Variants in ABCC2 observed in about 807,000 individuals in gnomAD.
ABCC2 encodes the protein ATP binding cassette subfamily C member 2, also known as ATP-binding cassette sub-family C member 2.
In ABCC2, 157 loss-of-function variants were observed where a neutral mutation model predicts 173.4. That is an observed-to-expected ratio of 0.91 (90% CI 0.80 to 1.03). The LOEUF (loss-of-function observed/expected upper bound fraction) is 1.03, where lower values mean the gene tolerates loss of function less well. ABCC2 is among the 50% of genes least tolerant of loss of function. The pLI is 0.00. For synonymous variants in ABCC2, 657 were observed against 693.5 expected, an observed-to-expected ratio of 0.95 and a Z score of 0.83; for missense variants, 1,822 against 1,852.3, an observed-to-expected ratio of 0.98 and a Z score of 0.30.
At chr10:99,797,610 G>C in intron 7 of ABCC2, 1 of 404,710 alleles carries the variant, frequency 2.5e-6, no homozygotes. Context: ...TTGCACCTTG[G>C]TACAAATTAG....
In ABCC2 at chr10:99,799,375, G is replaced by A. The variant is rs1204114741; in HGVS notation, c.1031+5G>A. The A allele has an allele frequency of 6.2e-7, 1 of 1,614,070 alleles. No homozygotes were observed. Among genetic ancestry groups the A allele is most frequent in the Admixed American group, 1.7e-5 (1 of 60,014 alleles). ...TGTGAGTCCTCAGCTGCTGAAGTGA[G>A]TCTCCAGGCCTCAGATGGTCCTTTC... On this transcript the variant is annotated splice_donor_5th_base_variant and intron_variant, in intron 8 of 31. Coordinates refer to ENST00000647814, the MANE Select transcript of ABCC2 (RefSeq NM_000392.5).
In ABCC2 at chr10:99,808,201, T is replaced by C. The variant is rs370432154; in HGVS notation, c.1787T>C (p.Leu596Pro). 1.2e-6 allele frequency: 2 copies of C among 1,614,032 alleles called. No individual in the cohort carries two copies. The highest frequency in any genetic ancestry group is 2.7e-5 in the African/African-American group (2 of 74,920). Residue 596 changes from leucine to proline, a missense_variant, in exon 13 of 32, where the codon CTT (leucine) becomes CCT (proline). Leu to Pro is a moderately conservative substitution (Grantham distance 98, BLOSUM62 -3). Transcript: ENST00000647814. The part of the protein sequence containing the change: ...FNILRFPLSM[L>P]PMMISSMLQA... ...ATCCTGCGCTTTCCCCTGAGCATGC[T>C]TCCCATGATGATCTCCTCCATGCTC...
At chr10:99,793,787 A>C (rs1046091949) in intron 4 of ABCC2, 102 bp downstream of exon 4, 1 of 1,581,048 alleles carries the variant, frequency 6.3e-7, no homozygotes, top group Non-Finnish European at 8.7e-7. Context: ...ATTGTATTAG[A>C]GGGATTTGAT....
chr10:99,830,462 C>A lies in ABCC2; in HGVS notation c.2747+29C>A, dbSNP rs17222730. The A allele has an allele frequency of 1.4e-4, 225 of 1,614,058 alleles. 1 individual carries two copies. The East Asian group carries it at 4.5e-3, about 32-fold the overall frequency. ...GGCTATCTATTCAGCTGGCAGCCCTCGTCAGCTCTATATTTCCACTTGATC... is the reference window on the plus strand; with the variant it reads ...GGCTATCTATTCAGCTGGCAGCCCTAGTCAGCTCTATATTTCCACTTGATC... On this transcript the variant is annotated intron_variant, in intron 20 of 31. Transcript: ENST00000647814.
At chr10:99,810,919 G>A (rs1034925340) in intron 14 of ABCC2, among the ~76,000 whole-genome samples, 1 of 151,820 alleles carries the variant, frequency 6.6e-6, no homozygotes, top group African/African-American at 2.4e-5. Flanking sequence ...AGCTACTCAG[G>A]AGGCTGAGGC....
In ABCC2 at chr10:99,850,754, T is replaced by C. The variant is rs779269741; in HGVS notation, c.4466T>C (p.Ile1489Thr). 4 of 1,614,048 alleles carry C rather than the reference T, an allele frequency of 2.5e-6. No individual in the cohort carries two copies. In the African/African-American group the frequency reaches 4.0e-5, roughly 16 times the overall value. The change falls in exon 31 of 32, where the codon ATC (isoleucine) becomes ACC (threonine). Residue 1489 changes from isoleucine (I) to threonine (T), a missense_variant. Ile to Thr is a moderately conservative substitution (Grantham distance 89, BLOSUM62 -1). Transcript: ENST00000647814. ...AACGAGTTCGCCCACTGCACAGTGA[T>C]CACCATCGCCCACAGGCTGCACACC... ...IQNEFAHCTVITIAHRLHTIM... is the reference protein window; with the variant it reads ...IQNEFAHCTVTTIAHRLHTIM...
Position 99,832,043 on chromosome 10 carries a change from A to G in ABCC2, c.3170A>G (p.His1057Arg). The change falls in exon 23 of 32, where the codon CAC becomes CGC. Residue 1057 changes from histidine to arginine, a missense_variant. Physicochemically the swap from His to Arg is conservative, Grantham distance 29. Coordinates refer to ENST00000647814, the MANE Select transcript of ABCC2 (RefSeq NM_000392.5). The stretch of plus-strand genomic sequence containing the variant: ...TTCGTCCATGCATCAAATATCTTGC[A>G]CAAGCAACTGCTGAACAATATCCTT... ...FGFVHASNIL[H>R]KQLLNNILRA... 1.9e-6 allele frequency: 3 copies of G among 1,614,234 alleles called. No homozygotes were observed. In the South Asian group the frequency reaches 3.3e-5, roughly 18 times the overall value.
chr10:99,849,068 T>C (rs1395871590), intron 30 of ABCC2, among the ~76,000 whole-genome samples: 1 of 151,950 alleles, frequency 6.6e-6, no homozygotes, highest in Non-Finnish European at 1.5e-5. Context: ...CTACTAAACA[T>C]ACAAAATTAG....
chr10:99,792,424 T>C (rs2132966928), intron 3 of ABCC2, 65 bp downstream of exon 3: 3 of 1,593,668 alleles, frequency 1.9e-6, no homozygotes, highest in Admixed American at 1.7e-5. Context: ...AGGTGAAATG[T>C]ACTCTTTGGG....
chr10:99,849,607 G>A (rs1233513034), intron 30 of ABCC2, among the ~76,000 whole-genome samples: 2 of 152,268 alleles, frequency 1.3e-5, no homozygotes, highest in African/African-American at 4.8e-5. Context: ...ACAAAGTGGC[G>A]CCTCAGCAAC....
chr10:99,821,394 C>G (rs1013260336), intron 19 of ABCC2, among the ~76,000 whole-genome samples: 16 of 152,096 alleles, frequency 1.1e-4, no homozygotes, highest in African/African-American at 3.6e-4. Flanking sequence ...TTACGGGTGT[C>G]GGGCTGGGGG....
At chr10:99,804,778 C>T (rs1285426974) in intron 10 of ABCC2, among the ~76,000 whole-genome samples, 1 of 152,178 alleles carries the variant, frequency 6.6e-6, no homozygotes, top group Admixed American at 6.5e-5. Context: ...TTTATTCACT[C>T]ATTTGTTTTG....
intron 29 of ABCC2, 95 bp from the exon 30 acceptor site, chr10:99,846,866 C>A: frequency 6.6e-7 from 1 of 1,522,808 alleles, no homozygotes; most frequent in Non-Finnish European, 9.1e-7. Flanking sequence ...GAATCCATCT[C>A]AGGCCAGTCC....
chr10:99,833,953 G>A (rs546976684), intron 23 of ABCC2, among the ~76,000 whole-genome samples: 3 of 152,194 alleles, frequency 2.0e-5, no homozygotes, highest in South Asian at 4.2e-4. Context: ...ATCTGTTCCC[G>A]CTGGGTTCCT....
In ABCC2 at chr10:99,845,627, G is replaced by T. The variant is rs769749645; in HGVS notation, c.3991G>T (p.Gly1331Cys). ...TGTAAGGGAACTATATTCGCAGATT[G>T]GTGTGGTGGGCAGGACAGGAGCTGG... is the stretch of plus-strand genomic sequence containing the variant. ...TCDIGSMEKI[G>C]VVGRTGAGKS... Residue 1331 changes from glycine (G) to cysteine (C), a missense_variant, in exon 29 of 32, where the codon GGT becomes TGT. Gly to Cys is a radical substitution (Grantham distance 159). Transcript: ENST00000647814. 1 of 1,614,066 alleles carries T rather than the reference G, an allele frequency of 6.2e-7. No homozygotes were observed. Among genetic ancestry groups the T allele is most frequent in the Non-Finnish European group, 8.5e-7 (1 of 1,179,986 alleles).
At chr10:99,807,288 T>G in intron 11 of ABCC2, 96 bp from the exon 12 acceptor site, 1 of 1,474,656 alleles carries the variant, frequency 6.8e-7, no homozygotes, top group Non-Finnish European at 9.5e-7. Context: ...ATTCCCCACA[T>G]TTTGGGGACT....
intron 2 of ABCC2, chr10:99,788,563 C>T (rs2037760280): frequency 1.3e-5 from 2 of 152,518 alleles, no homozygotes; most frequent in Admixed American, 6.5e-5. Flanking sequence ...TTCATCTCCA[C>T]ACGTTTTCAG....
rs1284281849 is a variant in ABCC2 at position 99,799,256 on chromosome 10, C to T, written c.917C>T (p.Pro306Leu). Reference protein sequence around the residue: ...KKKSGTKKDVPKSWLMKALFK... With the variant: ...KKKSGTKKDVLKSWLMKALFK... Reference sequence around the variant, plus strand: ...AAGTCTGGGACCAAAAAAGATGTTCCAAAATCCTGGTTGATGAAGGCTCTG... The same window carrying T: ...AAGTCTGGGACCAAAAAAGATGTTCTAAAATCCTGGTTGATGAAGGCTCTG... The change falls in exon 8 of 32, where the codon CCA becomes CTA. Residue 306 changes from proline (P) to leucine (L), a missense_variant. By Grantham distance (98) the Pro-to-Leu change is moderately conservative. Transcript: ENST00000647814. 6.2e-7 allele frequency: 1 copy of T among 1,613,938 alleles called. No homozygotes were observed. The highest frequency in any genetic ancestry group is 8.5e-7 in the Non-Finnish European group (1 of 1,180,014).
At chr10:99,820,280 G>A (rs139362232) in intron 19 of ABCC2, among the ~76,000 whole-genome samples, 4,635 of 152,146 alleles carry the variant, frequency 0.03, 221 homozygotes, top group African/African-American at 0.095. Context: ...AATCCCAGCT[G>A]CTTGGGAGGC....
Sources: gnomAD v4.1 joint callset for allele counts (sites outside exome capture counted in the v4.1 genomes callset) on GRCh38, gnomAD v4.1.1 for gene constraint, MANE v1.5 for transcripts, NCBI Gene and HGNC (gene_info 2026-07-23, HGNC 2026-07-21) for gene names.